YAF2: variants seen among roughly 807,000 people sequenced by gnomAD.
YAF2 encodes the protein YY1 associated factor 2.
In YAF2, 7 loss-of-function variants were observed where a neutral mutation model predicts 20.1. That is an observed-to-expected ratio of 0.35 (90% CI 0.20 to 0.65). YAF2 has a LOEUF of 0.65. YAF2 is among the 30% of genes least tolerant of loss of function. The probability of loss-of-function intolerance (pLI) is 0.69; values close to 1 mark genes in which losing one functional copy is unlikely to be tolerated. For missense variants in YAF2, 151 were observed against 219.2 expected (o/e 0.69, Z 1.96); for synonymous variants, 74 against 76.0 (o/e 0.97, Z 0.14).
At chr12:42,229,774 G>C (rs1390911827) in intron 2 of YAF2, among the ~76,000 whole-genome samples, 2 of 152,180 alleles carry the variant, frequency 1.3e-5, no homozygotes, top group African/African-American at 4.8e-5. Context: ...GAATGTTGCA[G>C]GTAATTGTAA....
Position 42,157,649 on chromosome 12 carries a change from CTT to C in YAF2, c.*2938_*2939del, listed in dbSNP as rs1214679236. 2.0e-5 allele frequency: 3 copies of C among 152,230 alleles called. No homozygotes were observed. The South Asian group carries it at 6.2e-4, about 32-fold the overall frequency. 9.4% of individuals were successfully genotyped at this position (152,230 alleles called of 1,614,324 possible). On this transcript the variant is annotated 3_prime_UTR_variant, in exon 4 of 4. Coordinates refer to ENST00000534854, the MANE Select transcript of YAF2 (RefSeq NM_005748.6). The stretch of plus-strand genomic sequence containing the variant: ...TTCTCTTCCTTTTTAAATGTTTTCA[CTT>C]TGTCTATTATCCACTATCATTTTAG...
intron 2 of YAF2, among the ~76,000 whole-genome samples, chr12:42,170,673 T>TACACAC (rs764667495): frequency 6.6e-6 from 1 of 150,772 alleles, no homozygotes; most frequent in African/African-American, 2.5e-5. Context: ...AACAAAAAAC[T>TACACAC]ATACACACAC....
chr12:42,209,563 CAA>C (rs71084623), intron 2 of YAF2, among the ~76,000 whole-genome samples: 72 of 27,788 alleles, frequency 2.6e-3, no homozygotes, highest in South Asian at 0.013. Context: ...GACTTTGTCT[CAA>C]AAAAAAAAAA....
intron 1 of YAF2, 115 bp from the exon 2 acceptor site, chr12:42,237,839 C>G (rs935374617): frequency 3.3e-6 from 3 of 904,760 alleles, no homozygotes; most frequent in African/African-American, 1.8e-5. Context: ...GCGACCCCCG[C>G]CCCGCGGGCC....
chr12:42,194,544 G>A (rs2066700872), intron 2 of YAF2, among the ~76,000 whole-genome samples: 1 of 152,100 alleles, frequency 6.6e-6, no homozygotes, highest in Non-Finnish European at 1.5e-5. Flanking sequence ...CTTAGGAGGT[G>A]GAGGCAGGAG....
intron 2 of YAF2, chr12:42,235,894 T>A: frequency 6.5e-7 from 1 of 1,536,122 alleles, no homozygotes; most frequent in Non-Finnish European, 8.7e-7. Flanking sequence ...TCAGCCTGTT[T>A]CTTCTCTTCT....
At chr12:42,184,466 C>T (rs548231037) in intron 2 of YAF2, among the ~76,000 whole-genome samples, 9 of 152,200 alleles carry the variant, frequency 5.9e-5, no homozygotes, top group African/African-American at 1.9e-4. Flanking sequence ...TGTGCCACCA[C>T]GCCTGGCTAA....
chr12:42,228,146 T>TG (rs371555379), intron 2 of YAF2, among the ~76,000 whole-genome samples: 1 of 15,670 alleles, frequency 6.4e-5, no homozygotes, highest in East Asian at 3.0e-3. Context: ...GGGAGGGAGG[T>TG]GGGGGGGGTC....
rs1375134857 is a variant in YAF2, at chr12:42,159,162, C to T, written c.*1427G>A. The T allele has an allele frequency of 2.0e-5, 3 of 152,156 alleles. No individual in the cohort carries two copies. Among genetic ancestry groups the T allele is most frequent in the African/African-American group, 7.2e-5 (3 of 41,456 alleles). The allele number at this position is 152,156 out of a possible 1,614,324, so 9.4% of individuals were successfully genotyped here. A position where few individuals can be genotyped will look rare whatever the true frequency, so the allele number is the denominator to read the frequency against. On this transcript the variant is annotated 3_prime_UTR_variant, in exon 4 of 4. Coordinates refer to ENST00000534854, the MANE Select transcript of YAF2 (RefSeq NM_005748.6). ...AGTACTGTAATTAAACAGAAAATTA[C>T]ATTACCACATGAAACCACCAAATAT...
intron 2 of YAF2, among the ~76,000 whole-genome samples, chr12:42,226,440 T>C (rs1350406993): frequency 1.3e-5 from 2 of 152,104 alleles, no homozygotes; most frequent in Non-Finnish European, 1.5e-5. Flanking sequence ...GGTGAGAGGA[T>C]TGCTTTGGCC....
chr12:42,170,788 G>A (rs1336496690), intron 2 of YAF2, among the ~76,000 whole-genome samples: 1 of 152,180 alleles, frequency 6.6e-6, no homozygotes, highest in Non-Finnish European at 1.5e-5. Flanking sequence ...TGAGACTGCA[G>A]TGAGCCGTGA....
chr12:42,202,135 T>C (rs2066916428), intron 2 of YAF2, among the ~76,000 whole-genome samples: 1 of 152,076 alleles, frequency 6.6e-6, no homozygotes, highest in South Asian at 2.1e-4. Context: ...AATTCGACAG[T>C]CTACTTTTTC....
chr12:42,210,040 C>G (rs2137223159), intron 2 of YAF2, among the ~76,000 whole-genome samples: 1 of 152,276 alleles, frequency 6.6e-6, no homozygotes, highest in Admixed American at 6.5e-5. Flanking sequence ...TCAGGTGATC[C>G]ACCCGCCTTG....
intron 2 of YAF2, among the ~76,000 whole-genome samples, chr12:42,166,875 A>G (rs1006542736): frequency 6.6e-6 from 1 of 151,690 alleles, no homozygotes; most frequent in African/African-American, 2.4e-5. Flanking sequence ...TACTGTCTCT[A>G]CACTTTTGTA....
intron 2 of YAF2, among the ~76,000 whole-genome samples, chr12:42,185,945 A>C (rs1393219477): frequency 1.3e-5 from 2 of 152,294 alleles, no homozygotes; most frequent in Admixed American, 6.5e-5. Context: ...CACGCCTGTA[A>C]TCCCAACACT....
intron 2 of YAF2, among the ~76,000 whole-genome samples, chr12:42,228,166 CCCG>C (rs2067818395): frequency 1.1e-5 from 1 of 88,332 alleles, no homozygotes; most frequent in African/African-American, 4.7e-5. Flanking sequence ...CGGCCCCCCG[CCCG>C]GCCAGCCGCC....
chr12:42,204,601 ACACAGGACTATAATAGTT>A (rs1355076189), intron 2 of YAF2, among the ~76,000 whole-genome samples: 1 of 152,220 alleles, frequency 6.6e-6, no homozygotes, highest in African/African-American at 2.4e-5. Flanking sequence ...CCTGCAAACA[ACACAGGACTATAATAGTT>A]CACAGAAGAC....
chr12:42,234,857 G>T, intron 2 of YAF2: 2 of 686,582 alleles, frequency 2.9e-6, no homozygotes, highest in African/African-American at 1.9e-5. Context: ...ACATGGTGGT[G>T]TGCATCTGTA....
Position 42,233,317 on chromosome 12 carries a change from A to T in YAF2, c.152+4282T>A, listed in dbSNP as rs575961163. Reference sequence around the variant, plus strand: ...GCCTGGTATGAACCATTTAGACCACAGTTTGAAACCCAAACCAATAATTCT... The same window carrying T: ...GCCTGGTATGAACCATTTAGACCACTGTTTGAAACCCAAACCAATAATTCT... On this transcript the variant is annotated intron_variant, in intron 2 of 3. Transcript: ENST00000534854. 6.1e-6 allele frequency: 6 copies of T among 985,374 alleles called. No individual in the cohort carries two copies. The African/African-American group carries it at 1.0e-4, about 17-fold the overall frequency. The allele number at this position is 985,374 out of a possible 1,614,324, so 61.0% of individuals were successfully genotyped here. A position where few individuals can be genotyped will look rare whatever the true frequency, so the allele number is the denominator to read the frequency against.
Sources: allele counts gnomAD v4.1 joint callset (sites outside exome capture counted in the v4.1 genomes callset), GRCh38; gene constraint gnomAD v4.1.1; transcripts MANE v1.5; gene names NCBI Gene and HGNC (gene_info 2026-07-23, HGNC 2026-07-21).